DEPTOR: variants seen among roughly 807,000 people sequenced by gnomAD.
DEPTOR encodes the protein DEP domain-containing mTOR-interacting protein.
A neutral mutation model predicts 41.6 loss-of-function variants in DEPTOR; 41 were observed. The observed-to-expected ratio is 0.98, with a 90% CI of 0.77 to 1.28. DEPTOR has a LOEUF of 1.28. DEPTOR is among the 50% of genes most tolerant of loss of function. DEPTOR has a pLI of 0.00. For missense variants in DEPTOR, 514 were observed against 527.9 expected, an observed-to-expected ratio of 0.97 and a Z score of 0.26; for synonymous variants, 195 against 192.3, an observed-to-expected ratio of 1.01 and a Z score of -0.12.
chr8:119,930,907 G>A (rs1198689089), intron 3 of DEPTOR, among the ~76,000 whole-genome samples: 1 of 152,020 alleles, frequency 6.6e-6, no homozygotes, highest in African/African-American at 2.4e-5. Context: ...AGACTTGAGG[G>A]AATTGAAAAA....
chr8:119,916,034 T>C (rs1827808056), intron 1 of DEPTOR, among the ~76,000 whole-genome samples: 1 of 150,512 alleles, frequency 6.6e-6, no homozygotes, highest in Non-Finnish European at 1.5e-5. Flanking sequence ...TTTAATCCTC[T>C]CAATAACCCT....
intron 4 of DEPTOR, among the ~76,000 whole-genome samples, chr8:119,975,976 C>T (rs1433917769): frequency 6.7e-6 from 1 of 148,620 alleles, no homozygotes; most frequent in Non-Finnish European, 1.5e-5. Context: ...ATTCTCCTGC[C>T]TCAGCCTCCT....
chr8:119,923,352 T>A (rs1827922538), intron 1 of DEPTOR, among the ~76,000 whole-genome samples: 1 of 152,096 alleles, frequency 6.6e-6, no homozygotes, highest in Non-Finnish European at 1.5e-5. Flanking sequence ...CAAGTGATGC[T>A]CCCACTTCAG....
chr8:119,905,139 C>A (rs185974643), intron 1 of DEPTOR, among the ~76,000 whole-genome samples: 2 of 152,038 alleles, frequency 1.3e-5, no homozygotes, highest in Admixed American at 6.5e-5. Flanking sequence ...AACTGTGAGT[C>A]TTCTATGTGC....
At chr8:119,999,447 A>G (rs1388537282) in intron 4 of DEPTOR, among the ~76,000 whole-genome samples, 1 of 152,152 alleles carries the variant, frequency 6.6e-6, no homozygotes, top group Non-Finnish European at 1.5e-5. Context: ...ACACACTGGC[A>G]TGTTTATATC....
chr8:119,913,281 A>C (rs939672059), intron 1 of DEPTOR, among the ~76,000 whole-genome samples: 3 of 152,234 alleles, frequency 2.0e-5, no homozygotes. Context: ...AGCACCAGGC[A>C]CTTCCAAGTT....
At chr8:119,996,211 A>G (rs1812256655) in intron 4 of DEPTOR, among the ~76,000 whole-genome samples, 1 of 152,196 alleles carries the variant, frequency 6.6e-6, no homozygotes, top group South Asian at 2.1e-4. Flanking sequence ...AAAATTGAGG[A>G]TGAATTGAAA....
At chr8:119,996,491 G>C (rs1436434165) in intron 4 of DEPTOR, among the ~76,000 whole-genome samples, 1 of 152,164 alleles carries the variant, frequency 6.6e-6, no homozygotes, top group African/African-American at 2.4e-5. Flanking sequence ...GATGAAGAAG[G>C]ACTATATAAA....
intron 8 of DEPTOR, among the ~76,000 whole-genome samples, chr8:120,016,990 A>G (rs1025732698): frequency 2.0e-5 from 3 of 152,134 alleles, no homozygotes; most frequent in Non-Finnish European, 4.4e-5. Context: ...ATTTTTTAGA[A>G]TATGATTATA....
At chr8:119,911,511 C>T (rs1343662528) in intron 1 of DEPTOR, among the ~76,000 whole-genome samples, 1 of 151,812 alleles carries the variant, frequency 6.6e-6, no homozygotes, top group Non-Finnish European at 1.5e-5. Flanking sequence ...AGAGACAGAG[C>T]TTCACCATGT....
intron 8 of DEPTOR, among the ~76,000 whole-genome samples, chr8:120,029,719 T>C (rs1812857182): frequency 6.6e-6 from 1 of 152,158 alleles, no homozygotes; most frequent in African/African-American, 2.4e-5. Context: ...TGGATTTTTT[T>C]CTGCTGAAAA....
intron 8 of DEPTOR, among the ~76,000 whole-genome samples, chr8:120,017,478 G>A (rs116606412): frequency 1.4e-3 from 208 of 152,308 alleles, no homozygotes; most frequent in African/African-American, 4.9e-3. Context: ...TCATAGATGC[G>A]TGACCTTTCG....
chr8:119,923,466 T>C lies in DEPTOR; in HGVS notation c.123-4934T>C, dbSNP rs1051771258. On this transcript the variant is annotated intron_variant, in intron 1 of 8. Transcript: ENST00000286234. ...CCATGTTGCCCAGGCTGATTTGAAC[T>C]CCTGAGGTCAAGTTATCCTCCCACC... Among the ~76,000 whole-genome samples the C allele has an allele frequency of 1.3e-4, 20 of 152,158 alleles. 1 individual carries two copies. The highest frequency in any genetic ancestry group is 2.4e-4 in the Non-Finnish European group (16 of 68,036).
In DEPTOR at chr8:119,958,474, A is replaced by G. The variant is rs115758862; in HGVS notation, c.426-6758A>G. Among the ~76,000 whole-genome samples the G allele has an allele frequency of 1.7e-3, 262 of 152,192 alleles. 1 individual carries two copies. Among genetic ancestry groups the G allele is most frequent in the African/African-American group, 6.1e-3 (253 of 41,556 alleles). On this transcript the variant is annotated intron_variant, in intron 3 of 8. Transcript: ENST00000286234. ...CAAAGCCAGTCACAAAGCTAGGCCAAGTTTATCACCTTAGAAGTTGCATAA... is the reference window on the plus strand; with the variant it reads ...CAAAGCCAGTCACAAAGCTAGGCCAGGTTTATCACCTTAGAAGTTGCATAA...
intron 4 of DEPTOR, among the ~76,000 whole-genome samples, chr8:119,969,148 A>G (rs1393374680): frequency 6.6e-6 from 1 of 152,074 alleles, no homozygotes; most frequent in Non-Finnish European, 1.5e-5. Context: ...AGCCTCTTAT[A>G]CTATGATGTA....
chr8:119,933,629 G>A (rs2129867860), intron 3 of DEPTOR, among the ~76,000 whole-genome samples: 1 of 152,220 alleles, frequency 6.6e-6, no homozygotes, highest in South Asian at 2.1e-4. Flanking sequence ...GGGATCCAAT[G>A]CATTTAAGTA....
intron 8 of DEPTOR, among the ~76,000 whole-genome samples, chr8:120,044,823 T>C (rs1813131067): frequency 6.6e-6 from 1 of 152,190 alleles, no homozygotes; most frequent in Non-Finnish European, 1.5e-5. Context: ...AGAGGTTGCC[T>C]GCTATTTTGA....
At chr8:120,039,379 T>G (rs1813024617) in intron 8 of DEPTOR, among the ~76,000 whole-genome samples, 1 of 152,194 alleles carries the variant, frequency 6.6e-6, no homozygotes, top group African/African-American at 2.4e-5. Flanking sequence ...GACGAAGACA[T>G]GGATGGACCC....
At chr8:119,878,578 C>T (rs1296736717) in intron 1 of DEPTOR, among the ~76,000 whole-genome samples, 4 of 151,948 alleles carry the variant, frequency 2.6e-5, no homozygotes, top group South Asian at 4.2e-4. Flanking sequence ...CCGCCCGCCT[C>T]GGCCTCCCAA....
Sources: allele counts gnomAD v4.1 joint callset (sites outside exome capture counted in the v4.1 genomes callset), GRCh38; gene constraint gnomAD v4.1.1; transcripts MANE v1.5; gene names NCBI Gene and HGNC (gene_info 2026-07-23, HGNC 2026-07-21).